Variants in MARCHF2 observed in about 807,000 individuals in gnomAD.
The protein encoded by MARCHF2 is membrane associated ring-CH-type finger 2, also known as E3 ubiquitin-protein ligase MARCHF2.
Under a neutral mutation model 24.0 loss-of-function variants are expected in MARCHF2, and 22 were observed. The observed-to-expected ratio is 0.92, with a 90% CI of 0.66 to 1.31. The LOEUF is 1.31. Among genes scored for constraint, MARCHF2 ranks in the 50% most tolerant of loss-of-function variants. The pLI is 0.00. For synonymous variants in MARCHF2, 154 were observed against 153.0 expected (o/e 1.01, Z -0.05); for missense variants, 301 against 335.3 (o/e 0.90, Z 0.80).
chr19:8,417,670 TC>T (rs1439149300), intron 1 of MARCHF2, among the ~76,000 whole-genome samples: 1 of 151,338 alleles, frequency 6.6e-6, no homozygotes, highest in African/African-American at 2.4e-5. Flanking sequence ...ACTCCTGACT[TC>T]AGGTGATCCG....
At chr19:8,418,437 G>C (rs1389295307) in intron 1 of MARCHF2, 1 of 152,574 alleles carries the variant, frequency 6.6e-6, no homozygotes, top group Non-Finnish European at 1.5e-5. Flanking sequence ...CCTAGCGCAA[G>C]AGTTAGTAAT....
chr19:8,435,828 CTGTGTGTGTGTGTGTG>C (rs35027764), intron 4 of MARCHF2, among the ~76,000 whole-genome samples: 8 of 141,068 alleles, frequency 5.7e-5, no homozygotes, highest in East Asian at 2.2e-4. Context: ...TGCACCTGGC[CTGTGTGTGTGTGTGTG>C]TGTGTGTGTG....
chr19:8,421,938 C>T lies in MARCHF2; in HGVS notation c.98C>T (p.Pro33Leu), dbSNP rs764955608. The stretch of plus-strand genomic sequence containing the variant: ...GTCGTGGAGGCTACGGGCCTCGGAC[C>T]GCCCCAGTATGTGGCACAGGTGACT... ...SKVVEATGLG[P>L]PQYVAQVTSR... The change falls in exon 2 of 5, where the codon CCG becomes CTG. Residue 33 changes from proline (P) to leucine (L), a missense_variant. Coordinates refer to ENST00000215555, the MANE Select transcript of MARCHF2 (RefSeq NM_001005415.2). 1.5e-5 allele frequency: 24 copies of T among 1,613,742 alleles called. No individual in the cohort carries two copies. Among genetic ancestry groups the T allele is most frequent in the East Asian group, 4.5e-5 (2 of 44,884 alleles).
chr19:8,426,739 A>G lies in MARCHF2; in HGVS notation c.307A>G (p.Thr103Ala). Reference protein sequence around the residue: ...CLEKWLSSSNTSYCELCHTEF... With the variant: ...CLEKWLSSSNASYCELCHTEF... ...GGAGAAGTGGCTTTCCTCATCTAAC[A>G]CCAGCTACTGCGAGCTGTGCCACAC... The change falls in exon 3 of 5, where the codon ACC (threonine) becomes GCC (alanine). Residue 103 changes from threonine (T) to alanine (A), a missense_variant. Physicochemically the swap from Thr to Ala is moderately conservative, Grantham distance 58. Transcript: ENST00000215555. 6.2e-7 allele frequency: 1 copy of G among 1,612,840 alleles called. No homozygotes were observed. The highest frequency in any genetic ancestry group is 8.5e-7 in the Non-Finnish European group (1 of 1,180,006).
At chr19:8,434,907 T>C (rs1967673052) in intron 4 of MARCHF2, among the ~76,000 whole-genome samples, 2 of 152,134 alleles carry the variant, frequency 1.3e-5, no homozygotes, top group South Asian at 4.2e-4. Flanking sequence ...GTTTTCACCA[T>C]GTTGGCCAGG....
chr19:8,438,236 G>A, intron 4 of MARCHF2, 152 bp from the exon 5 acceptor site: 1 of 762,366 alleles, frequency 1.3e-6, no homozygotes, highest in Non-Finnish European at 2.2e-6. Context: ...GTCTGTGTGT[G>A]TGCACTTTGT....
At position 8,415,726 on chromosome 19, in the gene MARCHF2, AAAAAAAAACAAAAAAAAC is replaced by A. The variant is rs1160155800; in HGVS notation, c.-53+2315_-53+2332del. The stretch of plus-strand genomic sequence containing the variant: ...ACAAGAGTGAAACTCCATCTCAAAA[AAAAAAAAACAAAAAAAAC>A]AAAAAAAAAAACCAGACAAAAGAAA... On this transcript the variant is annotated intron_variant, in intron 1 of 4. Coordinates refer to ENST00000215555, the MANE Select transcript of MARCHF2 (RefSeq NM_001005415.2). 1.3e-4 allele frequency among the ~76,000 whole-genome samples: 12 copies of A among 94,004 alleles called. 1 individual carries two copies. The highest frequency in any genetic ancestry group is 1.1e-3 in the East Asian group (2 of 1,866). The allele number at this position is 94,004 out of a possible 152,430, so 61.7% of individuals were successfully genotyped here.
intron 1 of MARCHF2, among the ~76,000 whole-genome samples, chr19:8,415,348 A>G (rs531307051): frequency 1.3e-5 from 2 of 151,166 alleles, no homozygotes; most frequent in South Asian, 4.2e-4. Context: ...TGTGATTACT[A>G]CACTGCCCTC....
chr19:8,427,154 T>G (rs1967428310), intron 3 of MARCHF2, among the ~76,000 whole-genome samples: 2 of 152,120 alleles, frequency 1.3e-5, no homozygotes, highest in Non-Finnish European at 2.9e-5. Context: ...TTCAAGCGAT[T>G]CTTCTGCTTC....
chr19:8,429,366 C>T (rs1967510994), intron 3 of MARCHF2, among the ~76,000 whole-genome samples: 1 of 151,572 alleles, frequency 6.6e-6, no homozygotes, highest in Admixed American at 6.6e-5. Flanking sequence ...GCCTGTAATC[C>T]CAGCACTTTG....
At chr19:8,414,412 G>C (rs1452898949) in intron 1 of MARCHF2, among the ~76,000 whole-genome samples, 6 of 152,024 alleles carry the variant, frequency 3.9e-5, no homozygotes, top group African/African-American at 1.4e-4. Flanking sequence ...GGGATTACAG[G>C]CCCCCGCCAC....
intron 4 of MARCHF2, among the ~76,000 whole-genome samples, chr19:8,434,357 T>C (rs1967659195): frequency 6.6e-6 from 1 of 152,006 alleles, no homozygotes; most frequent in Non-Finnish European, 1.5e-5. Flanking sequence ...GTGCTGAGAT[T>C]ACAGGCATGA....
chr19:8,431,497 C>CAAAAAAAAA (rs60782968), intron 4 of MARCHF2, among the ~76,000 whole-genome samples: 2 of 57,476 alleles, frequency 3.5e-5, no homozygotes, highest in African/African-American at 7.3e-5. Context: ...AACTCGATCT[C>CAAAAAAAAA]AAAAAAAAAA....
chr19:8,422,158 T>C (rs1967265496), intron 2 of MARCHF2, 142 bp downstream of exon 2: 2 of 883,714 alleles, frequency 2.3e-6, no homozygotes, highest in Admixed American at 6.9e-5. Context: ...CAAACAGTTA[T>C]CGCCTTGTGG....
intron 4 of MARCHF2, among the ~76,000 whole-genome samples, chr19:8,437,737 C>T (rs1967768877): frequency 6.8e-6 from 1 of 146,312 alleles, no homozygotes; most frequent in African/African-American, 2.5e-5. Context: ...AATTATGTGA[C>T]TGATTTACAT....
intron 2 of MARCHF2, among the ~76,000 whole-genome samples, chr19:8,425,448 G>A (rs1468588318): frequency 6.6e-6 from 1 of 151,516 alleles, no homozygotes; most frequent in African/African-American, 2.4e-5. Flanking sequence ...ATCTCACTAG[G>A]TTGCCCACAC....
At position 8,421,850 on chromosome 19, in the gene MARCHF2, G is replaced by A. The variant is rs774754601; in HGVS notation, c.10G>A (p.Gly4Ser). 1.5e-5 allele frequency: 24 copies of A among 1,609,052 alleles called. No individual in the cohort carries two copies. In the South Asian group the frequency reaches 2.1e-4, roughly 14 times the overall value. Residue 4 changes from glycine to serine, a missense_variant, in exon 2 of 5, where the codon GGT (glycine) becomes AGT (serine). Coordinates refer to ENST00000215555, the MANE Select transcript of MARCHF2 (RefSeq NM_001005415.2). Reference sequence around the variant, plus strand: ...GGGGCTCCCGGTGGCCATGACGACGGGTGACTGCTGCCACCTCCCCGGCTC... The same window carrying A: ...GGGGCTCCCGGTGGCCATGACGACGAGTGACTGCTGCCACCTCCCCGGCTC... Reference protein sequence around the residue: MTTGDCCHLPGSLC... With the variant: MTTSDCCHLPGSLC...
chr19:8,416,797 G>A (rs1967097380), intron 1 of MARCHF2, among the ~76,000 whole-genome samples: 2 of 152,072 alleles, frequency 1.3e-5, no homozygotes, highest in Non-Finnish European at 2.9e-5. Context: ...AAACTCCTGG[G>A]CTCAAGCGAT....
intron 3 of MARCHF2, among the ~76,000 whole-genome samples, chr19:8,429,927 C>A (rs1377331519): frequency 2.0e-5 from 3 of 151,654 alleles, no homozygotes; most frequent in Non-Finnish European, 2.9e-5. Context: ...GGTTGGAACC[C>A]CAGCTTTGTG....
Sources: allele counts gnomAD v4.1 joint callset (sites outside exome capture counted in the v4.1 genomes callset), GRCh38; gene constraint gnomAD v4.1.1; transcripts MANE v1.5; gene names NCBI Gene and HGNC (gene_info 2026-07-23, HGNC 2026-07-21).